PRKAR2A: variants seen among roughly 807,000 people sequenced by gnomAD.
PRKAR2A encodes the protein cAMP-dependent protein kinase type II-alpha regulatory subunit.
PRKAR2A carries 29 observed loss-of-function variants against 51.9 expected under a neutral mutation model. The ratio of observed to expected loss-of-function variants is 0.56; its 90% CI spans 0.42 to 0.76. The LOEUF is 0.76. PRKAR2A is among the 30% of genes least tolerant of loss of function. The probability of loss-of-function intolerance (pLI) is 0.00; values close to 1 mark genes in which losing one functional copy is unlikely to be tolerated. For missense variants in PRKAR2A, 445 were observed against 512.1 expected (o/e 0.87, Z 1.26); for synonymous variants, 178 against 186.2 (o/e 0.96, Z 0.36).
rs78060095 is a variant in PRKAR2A, at chr3:48,839,533, C to G, written c.262+7802G>C. On this transcript the variant is annotated intron_variant, in intron 1 of 10. Transcript: ENST00000265563. Reference sequence around the variant, plus strand: ...AGTAATTTATTAATAAGTTTATACTCTTCAGGCATCTCTCAACATTAAATA... The same window carrying G: ...AGTAATTTATTAATAAGTTTATACTGTTCAGGCATCTCTCAACATTAAATA... 1.2e-4 allele frequency among the ~76,000 whole-genome samples: 18 copies of G among 152,050 alleles called. No homozygotes were observed. In the East Asian group the frequency reaches 2.5e-3, roughly 21 times the overall value.
At chr3:48,780,476 G>A (rs567205209) in intron 5 of PRKAR2A, among the ~76,000 whole-genome samples, 162 of 150,952 alleles carry the variant, frequency 1.1e-3, no homozygotes, top group Middle Eastern at 6.9e-3. Context: ...GGTGACGGGC[G>A]CCTGTAGTCC....
At chr3:48,808,701 G>A (rs2082721321) in intron 1 of PRKAR2A, among the ~76,000 whole-genome samples, 1 of 104,636 alleles carries the variant, frequency 9.6e-6, no homozygotes. Flanking sequence ...ATTTTTAGTA[G>A]AGACAGGGTT....
chr3:48,844,687 G>A (rs1235275749), intron 1 of PRKAR2A, among the ~76,000 whole-genome samples: 36 of 150,626 alleles, frequency 2.4e-4, no homozygotes, highest in African/African-American at 8.8e-4. Flanking sequence ...GTCCTTTGTA[G>A]GGACATGGAT....
intron 3 of PRKAR2A, 79 bp downstream of exon 3, chr3:48,793,918 A>G: frequency 1.9e-6 from 2 of 1,062,242 alleles, no homozygotes; most frequent in Non-Finnish European, 2.9e-6. Flanking sequence ...TATTAGCATG[A>G]TGAGTTTTTG....
At chr3:48,808,180 T>C (rs1220165664) in intron 1 of PRKAR2A, among the ~76,000 whole-genome samples, 3 of 151,982 alleles carry the variant, frequency 2.0e-5, no homozygotes, top group Non-Finnish European at 4.4e-5. Context: ...CCGGCGTAGC[T>C]GGGACTACAG....
At chr3:48,835,429 C>T (rs558216952) in intron 1 of PRKAR2A, among the ~76,000 whole-genome samples, 14 of 152,026 alleles carry the variant, frequency 9.2e-5, no homozygotes, top group South Asian at 2.1e-4. Context: ...ATCATGAGGT[C>T]AGCAGATCGA....
In PRKAR2A at chr3:48,823,977, A is replaced by G. The variant is rs571087995; in HGVS notation, c.263-16293T>C. On this transcript the variant is annotated intron_variant, in intron 1 of 10. Transcript: ENST00000265563. ...TATGGTGGCTCACGCCTGTAATCCC[A>G]GCACTGTAATCCCAGCACTTTGGGA... Among the ~76,000 whole-genome samples, 4 of 152,320 alleles carry G rather than the reference A, an allele frequency of 2.6e-5. No individual in the cohort carries two copies. In the South Asian group the frequency reaches 8.3e-4, roughly 32 times the overall value.
At chr3:48,771,796 G>A (rs1251837511) in intron 6 of PRKAR2A, among the ~76,000 whole-genome samples, 1 of 151,698 alleles carries the variant, frequency 6.6e-6, no homozygotes, top group Non-Finnish European at 1.5e-5. Flanking sequence ...TGTTCCATGG[G>A]CTTGAAAAAA....
rs566849641 is a variant in PRKAR2A, at chr3:48,784,023, T to C, written c.436-931A>G. Among the ~76,000 whole-genome samples the C allele has an allele frequency of 2.4e-3, 367 of 152,316 alleles. 3 individuals are homozygous for C. Among genetic ancestry groups the C allele is most frequent in the African/African-American group, 8.4e-3 (349 of 41,580 alleles). ...GAGATATATTATAAGACAGCTAATA[T>C]TGCTTCATTTGCATACAGCACATAC... On this transcript the variant is annotated intron_variant, in intron 4 of 10. Coordinates refer to ENST00000265563, the MANE Select transcript of PRKAR2A (RefSeq NM_004157.4).
chr3:48,808,502 C>T (rs1354694108), intron 1 of PRKAR2A, among the ~76,000 whole-genome samples: 2 of 152,198 alleles, frequency 1.3e-5, no homozygotes, highest in Admixed American at 6.5e-5. Flanking sequence ...ATCCACCCAC[C>T]TTGGCCTCCC....
intron 4 of PRKAR2A, among the ~76,000 whole-genome samples, chr3:48,786,920 C>T (rs1488807388): frequency 4.0e-5 from 6 of 151,870 alleles, no homozygotes; most frequent in African/African-American, 1.2e-4. Context: ...GTGGTAGTCT[C>T]GCCAAAAATA....
chr3:48,777,888 T>C (rs1350188749), intron 5 of PRKAR2A, among the ~76,000 whole-genome samples: 2 of 152,228 alleles, frequency 1.3e-5, no homozygotes, highest in South Asian at 2.1e-4. Flanking sequence ...AATAAGCTTA[T>C]AAATAGGAAA....
chr3:48,769,934 C>T (rs2082005519), intron 6 of PRKAR2A, among the ~76,000 whole-genome samples: 1 of 152,150 alleles, frequency 6.6e-6, no homozygotes, highest in Non-Finnish European at 1.5e-5. Context: ...TGTGCCGCCA[C>T]ATCAGCTAAT....
chr3:48,812,314 A>C (rs1001214242), intron 1 of PRKAR2A, among the ~76,000 whole-genome samples: 14 of 152,074 alleles, frequency 9.2e-5, no homozygotes, highest in African/African-American at 3.1e-4. Context: ...GAGCAAAACA[A>C]ACCATCTGTC....
chr3:48,808,339 C>T (rs1283250688), intron 1 of PRKAR2A, among the ~76,000 whole-genome samples: 4 of 152,206 alleles, frequency 2.6e-5, no homozygotes, highest in East Asian at 1.9e-4. Flanking sequence ...CTGCAAGCTC[C>T]GCCTCCCGGC....
intron 4 of PRKAR2A, among the ~76,000 whole-genome samples, chr3:48,790,291 C>T (rs2082363634): frequency 6.6e-6 from 1 of 152,010 alleles, no homozygotes; most frequent in African/African-American, 2.4e-5. Flanking sequence ...TTTGGACTGT[C>T]ATTGACTATG....
At chr3:48,837,657 A>G (rs1362749654) in intron 1 of PRKAR2A, among the ~76,000 whole-genome samples, 1 of 152,244 alleles carries the variant, frequency 6.6e-6, no homozygotes, top group African/African-American at 2.4e-5. Context: ...AGCATTATTC[A>G]TAATAGTCAA....
chr3:48,768,227 G>A (rs1360816536), intron 6 of PRKAR2A, among the ~76,000 whole-genome samples: 2 of 151,868 alleles, frequency 1.3e-5, no homozygotes, highest in Non-Finnish European at 2.9e-5. Flanking sequence ...CCTGGGAGGC[G>A]AAGTTGCAGT....
At chr3:48,809,038 C>T (rs1308373761) in intron 1 of PRKAR2A, among the ~76,000 whole-genome samples, 6 of 152,156 alleles carry the variant, frequency 3.9e-5, no homozygotes, top group Non-Finnish European at 5.9e-5. Flanking sequence ...ACCTTGGCCT[C>T]CCAAAGTGCT....
Sources: gnomAD v4.1 joint callset for allele counts (sites outside exome capture counted in the v4.1 genomes callset) on GRCh38, gnomAD v4.1.1 for gene constraint, MANE v1.5 for transcripts, NCBI Gene and HGNC (gene_info 2026-07-23, HGNC 2026-07-21) for gene names.